Variants in EYS observed in about 807,000 individuals in gnomAD.
The protein encoded by EYS is protein eyes shut homolog.
Under a neutral mutation model 282.1 loss-of-function variants are expected in EYS, and 250 were observed. That is an observed-to-expected ratio of 0.89 (90% CI 0.80 to 0.98). The LOEUF is 0.98. Ranked by LOEUF, EYS falls within the 50% of genes least tolerant of loss-of-function variation. The pLI is 0.00. For missense variants in EYS, 4,016 were observed against 3,709.0 expected (o/e 1.08, Z -2.15); for synonymous variants, 1,355 against 1,282.9 (o/e 1.06, Z -1.20).
chr6:65,514,020 A>G (rs1767016012), intron 2 of EYS, among the ~76,000 whole-genome samples: 1 of 152,160 alleles, frequency 6.6e-6, no homozygotes, highest in Non-Finnish European at 1.5e-5. Context: ...TGCAGATGAC[A>G]TGATTGTATA....
At chr6:64,113,097 T>C (rs1773261846) in intron 31 of EYS, among the ~76,000 whole-genome samples, 2 of 152,148 alleles carry the variant, frequency 1.3e-5, no homozygotes, top group South Asian at 2.1e-4. Context: ...AAGTTTATCA[T>C]AGACAAAATG....
chr6:65,224,454 A>G (rs1164541163), intron 12 of EYS, among the ~76,000 whole-genome samples: 1 of 152,190 alleles, frequency 6.6e-6, no homozygotes, highest in African/African-American at 2.4e-5. Context: ...CCTACATTAT[A>G]AAAGAAGAAA....
At chr6:65,609,338 A>AAAC (rs1765913697) in intron 2 of EYS, among the ~76,000 whole-genome samples, 1 of 149,846 alleles carries the variant, frequency 6.7e-6, no homozygotes, top group Non-Finnish European at 1.5e-5. Flanking sequence ...AAGATAGCCA[A>AAAC]AAAAAAAAAA....
chr6:65,283,047 T>TA (rs1768267896), intron 12 of EYS, among the ~76,000 whole-genome samples: 4 of 152,154 alleles, frequency 2.6e-5, no homozygotes, highest in South Asian at 2.1e-4. Context: ...TAGACATGTC[T>TA]ATCATCTTGC....
chr6:63,726,264 T>G (rs922998583), intron 42 of EYS, among the ~76,000 whole-genome samples: 1 of 152,188 alleles, frequency 6.6e-6, no homozygotes, highest in Non-Finnish European at 1.5e-5. Context: ...TTTAATGTCT[T>G]TTTTGATGGT....
intron 24 of EYS, among the ~76,000 whole-genome samples, chr6:64,608,955 T>G (rs1013614753): frequency 1.3e-5 from 2 of 152,158 alleles, no homozygotes; most frequent in African/African-American, 4.8e-5. Flanking sequence ...TTGTTACTAT[T>G]CTGTATCTAT....
chr6:65,390,262 A>G (rs1174602131), intron 7 of EYS, among the ~76,000 whole-genome samples: 2 of 151,340 alleles, frequency 1.3e-5, no homozygotes, highest in Non-Finnish European at 2.9e-5. Context: ...ATATGACCAC[A>G]GTGGTGATAA....
intron 8 of EYS, among the ~76,000 whole-genome samples, chr6:65,374,502 GT>G (rs70999201): frequency 1.7e-3 from 253 of 144,584 alleles, no homozygotes; most frequent in African/African-American, 5.3e-3. Flanking sequence ...TACCTGCGGA[GT>G]TTTTTTTTTT....
At chr6:63,867,006 C>A (rs1581911965) in intron 35 of EYS, among the ~76,000 whole-genome samples, 1 of 152,154 alleles carries the variant, frequency 6.6e-6, no homozygotes, top group Admixed American at 6.5e-5. Context: ...CTTGTCAGAT[C>A]CTGTTATTAA....
Position 65,379,669 on chromosome 6 carries a change from G to A in EYS, c.1299+4717C>T, listed in dbSNP as rs1307063677. 4.6e-5 allele frequency among the ~76,000 whole-genome samples: 7 copies of A among 151,986 alleles called. No homozygotes were observed. In the East Asian group the frequency reaches 1.2e-3, roughly 25 times the overall value. On this transcript the variant is annotated intron_variant, in intron 8 of 42. Coordinates refer to ENST00000503581, the MANE Select transcript of EYS (RefSeq NM_001142800.2). ...GGGTATTCAAATAGGAAGAGAGAAA[G>A]TCAAGTTGTGTCTGTTTGCAGAATA...
intron 29 of EYS, among the ~76,000 whole-genome samples, chr6:64,362,362 T>G (rs643712): frequency 0.69 from 104,038 of 151,576 alleles, 35,750 homozygotes; most frequent in South Asian, 0.71. Flanking sequence ...TCCACAGGCA[T>G]AATAGTTATT....
chr6:63,819,287 C>G (rs1196701721), intron 36 of EYS, among the ~76,000 whole-genome samples: 1 of 152,166 alleles, frequency 6.6e-6, no homozygotes, highest in Non-Finnish European at 1.5e-5. Flanking sequence ...TCATGGAAGC[C>G]TGAAAGGGAG....
At chr6:65,019,253 T>G (rs777140063) in intron 13 of EYS, among the ~76,000 whole-genome samples, 12 of 152,218 alleles carry the variant, frequency 7.9e-5, no homozygotes, top group Non-Finnish European at 1.3e-4. Context: ...TCTTTTTACA[T>G]TTTTTCTCAC....
chr6:65,330,385 T>G, intron 11 of EYS: 7 of 984,524 alleles, frequency 7.1e-6, no homozygotes, highest in Non-Finnish European at 8.4e-6. Flanking sequence ...TCATGAACAC[T>G]TCACAGTCTG....
At position 65,592,595 on chromosome 6, in the gene EYS, C is replaced by T. The variant is rs138309361; in HGVS notation, c.-333+47183G>A. ...CCTCACAACCACCCAGAGGGGTAAACGCCACTATTCTCATTTAGACATGAG... is the reference window on the plus strand; with the variant it reads ...CCTCACAACCACCCAGAGGGGTAAATGCCACTATTCTCATTTAGACATGAG... On this transcript the variant is annotated intron_variant, in intron 2 of 42. Coordinates refer to ENST00000503581, the MANE Select transcript of EYS (RefSeq NM_001142800.2). Among the ~76,000 whole-genome samples the T allele has an allele frequency of 1.1e-4, 16 of 152,006 alleles. No homozygotes were observed. The East Asian group carries it at 2.3e-3, about 22-fold the overall frequency.
At chr6:65,700,965 T>C (rs1769653696) in intron 1 of EYS, among the ~76,000 whole-genome samples, 1 of 152,214 alleles carries the variant, frequency 6.6e-6, no homozygotes, top group South Asian at 2.1e-4. Context: ...TTGTTTCATA[T>C]TGCTATACAG....
chr6:65,470,465 T>C (rs1765170940), intron 5 of EYS, among the ~76,000 whole-genome samples: 1 of 152,154 alleles, frequency 6.6e-6, no homozygotes. Context: ...TTTATGAAGC[T>C]AGATGTCCTT....
At chr6:64,549,338 A>G (rs1016123882) in intron 26 of EYS, among the ~76,000 whole-genome samples, 1 of 152,208 alleles carries the variant, frequency 6.6e-6, no homozygotes, top group Non-Finnish European at 1.5e-5. Context: ...TTGTCAAAGA[A>G]TGCAACTAAT....
intron 13 of EYS, among the ~76,000 whole-genome samples, chr6:65,055,367 C>T (rs1481528722): frequency 6.6e-6 from 1 of 151,954 alleles, no homozygotes; most frequent in Non-Finnish European, 1.5e-5. Flanking sequence ...TTTAGATTTA[C>T]AGAACAGTTG....
Sources: allele counts gnomAD v4.1 joint callset (sites outside exome capture counted in the v4.1 genomes callset), GRCh38; gene constraint gnomAD v4.1.1; transcripts MANE v1.5; gene names NCBI Gene and HGNC (gene_info 2026-07-23, HGNC 2026-07-21).